Variants in DPP10 observed in about 807,000 individuals in gnomAD.
DPP10 encodes inactive dipeptidyl peptidase 10.
DPP10 carries 33 observed loss-of-function variants against 120.9 expected under a neutral mutation model. That is an observed-to-expected ratio of 0.27 (90% CI 0.21 to 0.37). The LOEUF (loss-of-function observed/expected upper bound fraction) is 0.37. Ranked by LOEUF, DPP10 falls within the 10% of genes least tolerant of loss-of-function variation. The pLI, the probability that DPP10 is intolerant of heterozygous loss-of-function variation, is 1.00. For synonymous variants in DPP10, 337 were observed against 326.1 expected, an observed-to-expected ratio of 1.03 and a Z score of -0.36; for missense variants, 816 against 942.8, an observed-to-expected ratio of 0.87 and a Z score of 1.76.
intron 19 of DPP10, among the ~76,000 whole-genome samples, chr2:115,796,845 A>C (rs10192058): frequency 0.035 from 5,300 of 152,208 alleles, 317 homozygotes; most frequent in African/African-American, 0.12. Context: ...CAAGGAAACT[A>C]TAACTAAAAT....
chr2:114,522,665 G>T (rs898632099), intron 1 of DPP10, among the ~76,000 whole-genome samples: 1 of 152,130 alleles, frequency 6.6e-6, no homozygotes, highest in East Asian at 1.9e-4. Flanking sequence ...TTTTTGGGGT[G>T]TATTAATCCA....
At chr2:115,064,060 T>C (rs562279147) in intron 1 of DPP10, among the ~76,000 whole-genome samples, 1 of 152,312 alleles carries the variant, frequency 6.6e-6, no homozygotes, top group African/African-American at 2.4e-5. Flanking sequence ...ATACTTTATA[T>C]TGTCGAATTT....
At chr2:115,050,701 A>C (rs1705408849) in intron 1 of DPP10, among the ~76,000 whole-genome samples, 1 of 152,086 alleles carries the variant, frequency 6.6e-6, no homozygotes, top group South Asian at 2.1e-4. Context: ...CTCAGGAAAA[A>C]CCGAAAAAGG....
intron 1 of DPP10, among the ~76,000 whole-genome samples, chr2:114,639,430 A>C (rs938017664): frequency 6.6e-6 from 1 of 151,864 alleles, no homozygotes; most frequent in African/African-American, 2.4e-5. Flanking sequence ...AAACTATATC[A>C]CAGTAGAAGC....
intron 21 of DPP10, among the ~76,000 whole-genome samples, chr2:115,824,249 T>G (rs910905488): frequency 1.3e-5 from 2 of 152,132 alleles, no homozygotes; most frequent in Non-Finnish European, 2.9e-5. Flanking sequence ...ATGGAAATGT[T>G]TAATAAGGAG....
intron 1 of DPP10, among the ~76,000 whole-genome samples, chr2:114,838,790 A>G (rs1687936396): frequency 6.6e-6 from 1 of 152,092 alleles, no homozygotes; most frequent in Non-Finnish European, 1.5e-5. Context: ...TAACTCTGTC[A>G]TGTCTCATCA....
intron 1 of DPP10, among the ~76,000 whole-genome samples, chr2:115,259,761 A>C (rs1042737133): frequency 6.6e-6 from 1 of 152,058 alleles, no homozygotes; most frequent in Non-Finnish European, 1.5e-5. Context: ...GTCATGACAT[A>C]TTTGTATTGA....
chr2:115,288,594 G>A (rs1445936090), intron 1 of DPP10, among the ~76,000 whole-genome samples: 1 of 151,722 alleles, frequency 6.6e-6, no homozygotes, highest in Admixed American at 6.6e-5. Context: ...GGTTGGGGGG[G>A]AGCCTGTAAT....
chr2:114,864,940 T>C (rs752793432), intron 1 of DPP10, among the ~76,000 whole-genome samples: 5 of 152,154 alleles, frequency 3.3e-5, no homozygotes, highest in Non-Finnish European at 5.9e-5. Context: ...AAGATCTCTT[T>C]ATGAAAAAAA....
chr2:114,774,040 T>C lies in DPP10; in HGVS notation c.60+331202T>C, dbSNP rs116307620. Among the ~76,000 whole-genome samples, 857 of 152,210 alleles carry C rather than the reference T, an allele frequency of 5.6e-3. 12 individuals carry two copies. The highest frequency in any genetic ancestry group is 0.02 in the African/African-American group (823 of 41,552). On this transcript the variant is annotated intron_variant, in intron 1 of 25. Transcript: ENST00000410059. ...TATATATGTATATTTATTTGATATA[T>C]ATGTATTTGAATAGAAATAGAAAGT...
intron 1 of DPP10, among the ~76,000 whole-genome samples, chr2:115,170,077 T>G (rs1488681161): frequency 6.6e-6 from 1 of 152,170 alleles, no homozygotes; most frequent in Non-Finnish European, 1.5e-5. Flanking sequence ...AGAGACCACT[T>G]GAAGTTGCAT....
intron 5 of DPP10, among the ~76,000 whole-genome samples, chr2:115,631,636 ACTT>A (rs1412237834): frequency 6.6e-6 from 1 of 152,186 alleles, no homozygotes; most frequent in African/African-American, 2.4e-5. Flanking sequence ...GTTTCAAAGA[ACTT>A]CTTGATGTAT....
At chr2:114,523,664 G>A (rs1685258994) in intron 1 of DPP10, among the ~76,000 whole-genome samples, 1 of 152,222 alleles carries the variant, frequency 6.6e-6, no homozygotes, top group African/African-American at 2.4e-5. Context: ...GAGAGGAAAT[G>A]TGCCAGTGAG....
intron 3 of DPP10, among the ~76,000 whole-genome samples, chr2:115,453,357 T>G (rs2073273011): frequency 6.6e-6 from 1 of 151,562 alleles, no homozygotes; most frequent in African/African-American, 2.4e-5. Flanking sequence ...TTAGAAAATT[T>G]TTTTTCTTAG....
chr2:115,032,882 C>CA (rs1380337520), intron 1 of DPP10, among the ~76,000 whole-genome samples: 4,806 of 83,084 alleles, frequency 0.058, 161 homozygotes, highest in Admixed American at 0.14. Context: ...AAGACTCCGT[C>CA]AAAAAAAAAA....
intron 3 of DPP10, among the ~76,000 whole-genome samples, chr2:115,361,996 GTGTGTGTATGTTTTGTGTGTATGTTTT>G (rs1220125987): frequency 2.7e-5 from 4 of 149,518 alleles, no homozygotes; most frequent in Admixed American, 6.6e-5. Context: ...GTGTATGTTT[GTGTGTGTATGTTTTGTGTGTATGTTTT>G]TGTGTGTATG....
At chr2:115,816,416 C>G (rs1482088980) in intron 21 of DPP10, among the ~76,000 whole-genome samples, 2 of 152,050 alleles carry the variant, frequency 1.3e-5, no homozygotes, top group Admixed American at 6.6e-5. Context: ...AAAAAACTAG[C>G]AAGTATCGCA....
At chr2:115,539,268 A>G (rs1316215713) in intron 5 of DPP10, among the ~76,000 whole-genome samples, 1 of 152,048 alleles carries the variant, frequency 6.6e-6, no homozygotes, top group Non-Finnish European at 1.5e-5. Flanking sequence ...TATATTCAGT[A>G]TTGGAGGGCT....
At position 115,700,792 on chromosome 2, in the gene DPP10, AT is replaced by A. The variant is rs573004551; in HGVS notation, c.576+10872del. On this transcript the variant is annotated intron_variant, in intron 7 of 25. Coordinates refer to ENST00000410059, the MANE Select transcript of DPP10 (RefSeq NM_020868.6). ...TCATATACATTTGTAAGTCTATACA[AT>A]AACTGTGGGCAATCTGAAAGGAAAT... Among the ~76,000 whole-genome samples the A allele has an allele frequency of 5.3e-4, 81 of 152,276 alleles. 1 individual carries two copies. In the South Asian group the frequency reaches 0.017, roughly 31 times the overall value.
Sources: gnomAD v4.1 joint callset for allele counts (sites outside exome capture counted in the v4.1 genomes callset) on GRCh38, gnomAD v4.1.1 for gene constraint, MANE v1.5 for transcripts, NCBI Gene and HGNC (gene_info 2026-07-23, HGNC 2026-07-21) for gene names.